The following IGSF10 variants were observed in gnomAD, a reference collection of about 807,000 sequenced individuals.
IGSF10 encodes immunoglobulin superfamily member 10, also known as calvaria mechanical force protein 608.
A neutral mutation model predicts 128.2 loss-of-function variants in IGSF10; 126 were observed. That is an observed-to-expected ratio of 0.98 (90% CI 0.85 to 1.14). The LOEUF is 1.14. Ranked by LOEUF, IGSF10 falls within the 50% of genes most tolerant of loss-of-function variation. The probability of loss-of-function intolerance (pLI) is 0.00; values close to 1 mark genes in which losing one functional copy is unlikely to be tolerated. For synonymous variants in IGSF10, 1,185 were observed against 1,146.2 expected (o/e 1.03, Z -0.68); for missense variants, 3,295 against 3,149.8 (o/e 1.05, Z -1.10).
At chr3:151,439,963 T>A (rs1013534870) in intron 7 of IGSF10, among the ~76,000 whole-genome samples, 1 of 152,196 alleles carries the variant, frequency 6.6e-6, no homozygotes, top group African/African-American at 2.4e-5. Context: ...AAGTAAAAAC[T>A]GTTTTCATAG....
chr3:151,600,405 A>T, the IGSF10 span, among the ~76,000 whole-genome samples: 1 of 152,104 alleles, frequency 6.6e-6, no homozygotes, highest in Non-Finnish European at 1.5e-5. Flanking sequence ...TACACGTATT[A>T]TTTTTGTAAT....
the IGSF10 span, chr3:151,566,087 G>A: frequency 1.3e-5 from 2 of 152,996 alleles, no homozygotes; most frequent in Non-Finnish European, 2.9e-5. Flanking sequence ...TTATAAAATT[G>A]CCACAAAGTG....
the IGSF10 span, among the ~76,000 whole-genome samples, chr3:151,513,960 G>C: frequency 4.6e-5 from 7 of 152,032 alleles, no homozygotes; most frequent in Non-Finnish European, 8.8e-5. Context: ...CACTGCTCAA[G>C]GAAATAAAAG....
the IGSF10 span, among the ~76,000 whole-genome samples, chr3:151,592,639 G>A: frequency 6.6e-5 from 10 of 152,170 alleles, no homozygotes; most frequent in African/African-American, 2.4e-4. Flanking sequence ...GTTACCTACT[G>A]CAAATACAAC....
chr3:151,441,765 TAAAATGA>T (rs1379387031), intron 7 of IGSF10, among the ~76,000 whole-genome samples: 5 of 152,296 alleles, frequency 3.3e-5, no homozygotes, highest in Middle Eastern at 3.4e-3. Flanking sequence ...AAGCCAGCTA[TAAAATGA>T]ATATTGAGGC....
At chr3:151,440,218 CAG>C (rs1465334984) in intron 7 of IGSF10, among the ~76,000 whole-genome samples, 1 of 152,010 alleles carries the variant, frequency 6.6e-6, no homozygotes, top group Non-Finnish European at 1.5e-5. Context: ...TTTGTAGAGA[CAG>C]GGTCTCACTG....
chr3:151,564,883 T>C, the IGSF10 span, among the ~76,000 whole-genome samples: 2 of 152,172 alleles, frequency 1.3e-5, no homozygotes, highest in African/African-American at 2.4e-5. Flanking sequence ...GTAAGAATCA[T>C]GGTAATGGTT....
At chr3:151,486,438 G>C in the IGSF10 span, among the ~76,000 whole-genome samples, 127,177 of 152,112 alleles carry the variant, frequency 0.84, 53,367 homozygotes, top group Middle Eastern at 0.94. Context: ...ATATCCAGGA[G>C]TTGAACTCAC....
At chr3:151,457,884 A>T (rs966101297) in intron 3 of IGSF10, among the ~76,000 whole-genome samples, 1 of 152,188 alleles carries the variant, frequency 6.6e-6, no homozygotes, top group African/African-American at 2.4e-5. Flanking sequence ...AACGATCAAT[A>T]CACATCCTAG....
At chr3:151,496,762 C>T in the IGSF10 span, among the ~76,000 whole-genome samples, 5 of 151,616 alleles carry the variant, frequency 3.3e-5, no homozygotes, top group Non-Finnish European at 5.9e-5. Flanking sequence ...ACACTGACTT[C>T]CACAATGGTT....
chr3:151,583,494 C>T, the IGSF10 span, among the ~76,000 whole-genome samples: 4 of 152,176 alleles, frequency 2.6e-5, no homozygotes. Context: ...CCAAACACCG[C>T]ATGTTCTCAC....
At chr3:151,442,342 T>C (rs968160988) in intron 7 of IGSF10, among the ~76,000 whole-genome samples, 5 of 151,938 alleles carry the variant, frequency 3.3e-5, no homozygotes, top group African/African-American at 1.2e-4. Context: ...CTTCTCTGTT[T>C]TGTTTACAGA....
At chr3:151,518,158 T>C in the IGSF10 span, among the ~76,000 whole-genome samples, 3 of 152,124 alleles carry the variant, frequency 2.0e-5, no homozygotes, top group South Asian at 6.2e-4. Flanking sequence ...ATAACCTAAG[T>C]GGAGTTTATA....
At chr3:151,526,880 G>C in the IGSF10 span, among the ~76,000 whole-genome samples, 1 of 152,170 alleles carries the variant, frequency 6.6e-6, no homozygotes, top group Non-Finnish European at 1.5e-5. Flanking sequence ...GCACACTGGA[G>C]AGGCCAAAAC....
At chr3:151,554,132 TCACACACACACACA>T in the IGSF10 span, among the ~76,000 whole-genome samples, 1 of 147,334 alleles carries the variant, frequency 6.8e-6, no homozygotes, top group Non-Finnish European at 1.5e-5. Context: ...CAGAGTGAGA[TCACACACACACACA>T]CACACACACA....
At chr3:151,434,989 TTA>T (rs1217415071), downstream of IGSF10, 1 of 148,418 alleles carries the variant, frequency 6.7e-6, no homozygotes, top group African/African-American at 2.5e-5. Flanking sequence ...CCCCTGCGCA[TTA>T]TAAAGAAAAT....
the IGSF10 span, among the ~76,000 whole-genome samples, chr3:151,516,896 C>T: frequency 1.3e-5 from 2 of 152,106 alleles, no homozygotes; most frequent in Admixed American, 1.3e-4. Flanking sequence ...ATGCAGTACA[C>T]ATCCCCTTTG....
the IGSF10 span, among the ~76,000 whole-genome samples, chr3:151,563,915 G>A: frequency 1.3e-5 from 2 of 152,174 alleles, no homozygotes; most frequent in African/African-American, 4.8e-5. Context: ...TTTCACAGGT[G>A]AGGAAACTGA....
At chr3:151,545,575 T>A in the IGSF10 span, among the ~76,000 whole-genome samples, 29 of 152,350 alleles carry the variant, frequency 1.9e-4, 1 homozygote, top group South Asian at 1.4e-3. Context: ...TAAGTTTCCA[T>A]AGGGAAAATT....
Sources: allele counts gnomAD v4.1 joint callset (sites outside exome capture counted in the v4.1 genomes callset), GRCh38; gene constraint gnomAD v4.1.1; transcripts MANE v1.5; gene names NCBI Gene and HGNC (gene_info 2026-07-23, HGNC 2026-07-21).